Variants in PCDHGA4 observed in about 807,000 individuals in gnomAD.
PCDHGA4 encodes protocadherin gamma-A4.
Under a neutral mutation model 54.6 loss-of-function variants are expected in PCDHGA4, and 38 were observed. The observed-to-expected ratio is 0.70, with a 90% CI of 0.54 to 0.91. PCDHGA4 has a LOEUF of 0.91. Among genes scored for constraint, PCDHGA4 ranks in the 40% least tolerant of loss-of-function variants. The pLI is 0.00. For missense variants in PCDHGA4, 1,298 were observed against 1,220.9 expected, an observed-to-expected ratio of 1.06 and a Z score of -0.94; for synonymous variants, 511 against 512.9, an observed-to-expected ratio of 1.00 and a Z score of 0.05.
rs1779505290 is a variant in PCDHGA4, at chr5:141,383,837, C to A, written c.2514+26216C>A. On this transcript the variant is annotated intron_variant, in intron 1 of 3. Transcript: ENST00000571252. ...GAAGGATTAGATTATGAAGAAACTG[C>A]CTTCTATGAAATGGAGGTTCAGGCT... 1 of 1,613,886 alleles carries A rather than the reference C, an allele frequency of 6.2e-7. No homozygotes were observed. The highest frequency in any genetic ancestry group is 1.1e-5 in the South Asian group (1 of 91,078).
intron 1 of PCDHGA4, chr5:141,408,952 T>C (rs531696982): frequency 6.2e-7 from 1 of 1,613,544 alleles, no homozygotes; most frequent in African/African-American, 1.3e-5. Context: ...ATAGAATTAG[T>C]CTTAGTGAAA....
At chr5:141,430,907 A>G (rs776543955) in intron 1 of PCDHGA4, 1 of 1,606,916 alleles carries the variant, frequency 6.2e-7, no homozygotes, top group Non-Finnish European at 8.5e-7. Flanking sequence ...CGACATCTCC[A>G]GGGACCTGGG....
At chr5:141,427,777 C>A in intron 1 of PCDHGA4, 1 of 1,432,382 alleles carries the variant, frequency 7.0e-7, no homozygotes, top group Non-Finnish European at 9.7e-7. Flanking sequence ...GAGCTGCGGG[C>A]ACTGTCGTCC....
intron 1 of PCDHGA4, chr5:141,370,262 T>G (rs1766779263): frequency 2.7e-6 from 2 of 752,044 alleles, no homozygotes; most frequent in Non-Finnish European, 4.2e-6. Flanking sequence ...TCAGGCTTCC[T>G]GCAGCGGAGA....
Position 141,491,737 on chromosome 5 carries a change from G to C in PCDHGA4, c.2515-3070G>C, listed in dbSNP as rs548808722. 1.2e-6 allele frequency: 2 copies of C among 1,600,586 alleles called. No homozygotes were observed. The highest frequency in any genetic ancestry group is 2.7e-5 in the African/African-American group (2 of 74,486). On this transcript the variant is annotated intron_variant, in intron 1 of 3. Transcript: ENST00000571252. The surrounding 1 kb of genome is among the most constrained non-coding windows in gnomAD (Gnocchi z 6.9). ...GGCGCCGCCCCGGGCGACCCCTGGG[G>C]GCGGCACTGGAGAAGCCGCCCGTCC...
At chr5:141,401,614 G>T (rs1242268897) in intron 1 of PCDHGA4, among the ~76,000 whole-genome samples, 1 of 152,188 alleles carries the variant, frequency 6.6e-6, no homozygotes, top group Non-Finnish European at 1.5e-5. Context: ...AAAGACACCG[G>T]ATTTGTCTTA....
At chr5:141,414,358 C>T (rs1414747968) in intron 1 of PCDHGA4, 1 of 1,613,818 alleles carries the variant, frequency 6.2e-7, no homozygotes, top group Non-Finnish European at 8.5e-7. Context: ...GGCGTATCTA[C>T]CATTTAAATT....
intron 1 of PCDHGA4, chr5:141,405,082 G>C: frequency 6.2e-7 from 1 of 1,613,794 alleles, no homozygotes; most frequent in East Asian, 2.2e-5. Context: ...TCGTTATCAC[G>C]CTGCTGGCCC....
At position 141,438,591 on chromosome 5, in the gene PCDHGA4, CATATATATATATAT is replaced by C. The variant is rs946798767; in HGVS notation, c.2515-56184_2515-56171del. Among the ~76,000 whole-genome samples the C allele has an allele frequency of 7.9e-5, 6 of 75,562 alleles. No individual in the cohort carries two copies. The East Asian group carries it at 1.7e-3, about 22-fold the overall frequency. 49.6% of individuals were successfully genotyped at this position (75,562 alleles called of 152,430 possible). On this transcript the variant is annotated intron_variant, in intron 1 of 3. Transcript: ENST00000571252. ...TCTGATATACATACATACATACATA[CATATATATATATAT>C]ATATATATATATATATATATATATA...
chr5:141,384,828 G>T (rs746957314), intron 1 of PCDHGA4: 2 of 1,613,488 alleles, frequency 1.2e-6, no homozygotes, highest in African/African-American at 1.3e-5. Flanking sequence ...AGAGCCTCGT[G>T]GTGGCCGTCC....
In PCDHGA4 at chr5:141,431,150, C is replaced by A. The variant is rs1007532359; in HGVS notation, c.2515-63657C>A. On this transcript the variant is annotated intron_variant, in intron 1 of 3. Transcript: ENST00000571252. The surrounding 1 kb of genome is among the most constrained non-coding windows in gnomAD (Gnocchi z 4.8). ...AGTAAGGGACATTAACGACAATGCGCCTTACTTTCGTGAAAGTGAATTAGA... is the reference window on the plus strand; with the variant it reads ...AGTAAGGGACATTAACGACAATGCGACTTACTTTCGTGAAAGTGAATTAGA... The A allele has an allele frequency of 1.2e-6, 2 of 1,614,226 alleles. No individual in the cohort carries two copies. The highest frequency in any genetic ancestry group is 1.7e-6 in the Non-Finnish European group (2 of 1,180,030).
At chr5:141,421,564 G>C in intron 1 of PCDHGA4, 1 of 1,613,982 alleles carries the variant, frequency 6.2e-7, no homozygotes, top group Non-Finnish European at 8.5e-7. Context: ...TCTCGTGGAA[G>C]ACACCTTGAA....
At position 141,374,917 on chromosome 5, in the gene PCDHGA4, T is replaced by C. The variant is rs1385873751; in HGVS notation, c.2514+17296T>C. 7.4e-6 allele frequency: 12 copies of C among 1,613,816 alleles called. No homozygotes were observed. In the Admixed American group the frequency reaches 1.5e-4, roughly 20 times the overall value. Reference sequence around the variant, plus strand: ...ATGAAGGAGTCCACGGGGAAGTAACTTATTCCTTTGTGAAGATTACAGAAA... The same window carrying C: ...ATGAAGGAGTCCACGGGGAAGTAACCTATTCCTTTGTGAAGATTACAGAAA... On this transcript the variant is annotated intron_variant, in intron 1 of 3. Coordinates refer to ENST00000571252, the MANE Select transcript of PCDHGA4 (RefSeq NM_018917.4).
In PCDHGA4 at chr5:141,489,664, A is replaced by C. The variant is rs745597010; in HGVS notation, c.2515-5143A>C. 1.9e-6 allele frequency: 3 copies of C among 1,614,224 alleles called. No individual in the cohort carries two copies. Among genetic ancestry groups the C allele is most frequent in the African/African-American group, 1.3e-5 (1 of 75,058 alleles). On this transcript the variant is annotated intron_variant, in intron 1 of 3. Transcript: ENST00000571252. This position sits in a 1 kb window ranked among gnomAD's most constrained non-coding sequence, Gnocchi z 4.5. ...TGCCACCCCTGAGCGAGAGATGCGC[A>C]TCTCAGAATCAGCAGCATCTGGGGC... is the stretch of plus-strand genomic sequence containing the variant.
chr5:141,372,537 C>A lies in PCDHGA4; in HGVS notation c.2514+14916C>A, dbSNP rs138338803. 3.0e-3 allele frequency: 4,858 copies of A among 1,614,046 alleles called. 5 individuals carry two copies. The highest frequency in any genetic ancestry group is 4.8e-3 in the Admixed American group (290 of 60,038). On this transcript the variant is annotated intron_variant, in intron 1 of 3. Coordinates refer to ENST00000571252, the MANE Select transcript of PCDHGA4 (RefSeq NM_018917.4). The stretch of plus-strand genomic sequence containing the variant: ...GGTGATTCTGGCAATCTCCCTGCGC[C>A]TGCGATGCTCCTCCAGACCCGCCAC...
chr5:141,423,573 C>G, intron 1 of PCDHGA4: 1 of 1,613,488 alleles, frequency 6.2e-7, no homozygotes, highest in South Asian at 1.1e-5. Context: ...CGCTCATCAG[C>G]CAGGAGAGCT....
At chr5:141,430,115 A>G (rs930805574) in intron 1 of PCDHGA4, among the ~76,000 whole-genome samples, 1 of 152,194 alleles carries the variant, frequency 6.6e-6, no homozygotes, top group Non-Finnish European at 1.5e-5. Context: ...CATGTCAACA[A>G]CCTGGTAAAG....
intron 1 of PCDHGA4, chr5:141,372,532 T>C (rs2150008229): frequency 6.2e-7 from 1 of 1,614,022 alleles, no homozygotes; most frequent in South Asian, 1.1e-5. Context: ...GCAATCTCCC[T>C]GCGCCTGCGA....
chr5:141,407,808 C>A (rs1182707356), intron 1 of PCDHGA4, among the ~76,000 whole-genome samples: 1 of 152,136 alleles, frequency 6.6e-6, no homozygotes, highest in Non-Finnish European at 1.5e-5. Flanking sequence ...ATAGAAATAT[C>A]TACTATAATA....
Sources: gnomAD v4.1 joint callset for allele counts (sites outside exome capture counted in the v4.1 genomes callset) on GRCh38, gnomAD v4.1.1 for gene constraint, Gnocchi (gnomAD v3.1) non-coding constraint, MANE v1.5 for transcripts, NCBI Gene and HGNC (gene_info 2026-07-23, HGNC 2026-07-21) for gene names.